The following TMEM132E variants were observed in gnomAD, a reference collection of about 807,000 sequenced individuals.
TMEM132E encodes the protein transmembrane protein 132E.
Under a neutral mutation model 78.5 loss-of-function variants are expected in TMEM132E, and 49 were observed. The observed-to-expected ratio is 0.62, with a 90% CI of 0.50 to 0.79. The LOEUF (loss-of-function observed/expected upper bound fraction) is 0.79. TMEM132E is among the 30% of genes least tolerant of loss of function. The pLI, the probability that TMEM132E is intolerant of heterozygous loss-of-function variation, is 0.00. For missense variants in TMEM132E, 1,403 were observed against 1,470.9 expected, an observed-to-expected ratio of 0.95 and a Z score of 0.75; for synonymous variants, 715 against 670.6, an observed-to-expected ratio of 1.07 and a Z score of -1.02.
intron 1 of TMEM132E, among the ~76,000 whole-genome samples, chr17:34,614,973 C>T (rs965203863): frequency 6.6e-6 from 1 of 152,190 alleles, no homozygotes; most frequent in Non-Finnish European, 1.5e-5. Context: ...GACCAGGGAA[C>T]CTTTCCTTGG....
At chr17:34,627,136 G>T in intron 2 of TMEM132E, 79 bp downstream of exon 2, 1 of 1,277,080 alleles carries the variant, frequency 7.8e-7, no homozygotes, top group Non-Finnish European at 1.1e-6. Context: ...GTGGGTTGGG[G>T]GGTGGGGGGA....
rs560967916 is a variant in TMEM132E at position 34,599,583 on chromosome 17, CTT to C, written c.67+18443_67+18444del. Among the ~76,000 whole-genome samples the C allele has an allele frequency of 1.8e-3, 271 of 152,308 alleles. 1 individual carries two copies. Among genetic ancestry groups the C allele is most frequent in the African/African-American group, 5.8e-3 (241 of 41,564 alleles). On this transcript the variant is annotated intron_variant, in intron 1 of 8. Transcript: ENST00000631683. The stretch of plus-strand genomic sequence containing the variant: ...GATTCAGATGCAGGGAAAGGCAACA[CTT>C]TTGTGAAAACTAGAACTCAGGCAGT...
rs568115696 is a variant in TMEM132E, at chr17:34,638,532, C to G, written c.*300C>G. On this transcript the variant is annotated 3_prime_UTR_variant, in exon 9 of 9. Transcript: ENST00000631683. ...CAAACCTCCTCCCATCTTAAGCAACCCCCTGCCCCAAGAGTGAGGCAAGGA... is the reference window on the plus strand; with the variant it reads ...CAAACCTCCTCCCATCTTAAGCAACGCCCTGCCCCAAGAGTGAGGCAAGGA... 8 of 324,446 alleles carry G rather than the reference C, an allele frequency of 2.5e-5. No individual in the cohort carries two copies. The highest frequency in any genetic ancestry group is 9.1e-5 in the Admixed American group (2 of 21,994). 20.1% of individuals were successfully genotyped at this position (324,446 alleles called of 1,614,324 possible).
intron 5 of TMEM132E, among the ~76,000 whole-genome samples, chr17:34,630,807 G>A (rs949704256): frequency 6.6e-6 from 1 of 152,094 alleles, no homozygotes; most frequent in African/African-American, 2.4e-5. Flanking sequence ...CTCCTTCCCA[G>A]GGACCTGCTT....
chr17:34,637,526 G>A lies in TMEM132E; in HGVS notation c.2519G>A (p.Arg840Gln), dbSNP rs769670193. Residue 840 changes from arginine (R) to glutamine (Q), a missense_variant, in exon 9 of 9, where the codon CGG becomes CAG. Transcript: ENST00000631683. The stretch of plus-strand genomic sequence containing the variant: ...CCCGGCGGGGGCGAGGACGAGGCCC[G>A]GGGAGCTGGCCCGCCGGGCTCTGCG... ...PGPGGGEDEA[R>Q]GAGPPGSALP... 3 of 1,600,328 alleles carry A rather than the reference G, an allele frequency of 1.9e-6. No homozygotes were observed. Among genetic ancestry groups the A allele is most frequent in the East Asian group, 4.5e-5 (2 of 44,608 alleles).
At chr17:34,636,275 C>A (rs868584468) in intron 8 of TMEM132E, 77 bp downstream of exon 8, 1 of 1,301,986 alleles carries the variant, frequency 7.7e-7, no homozygotes, top group Middle Eastern at 2.0e-4. Flanking sequence ...TTTGCCCTAG[C>A]ACCAAGAGTC....
intron 1 of TMEM132E, among the ~76,000 whole-genome samples, chr17:34,596,420 G>C (rs777297111): frequency 1.1e-4 from 16 of 152,116 alleles, no homozygotes; most frequent in Non-Finnish European, 2.2e-4. Flanking sequence ...AGGAGACGGT[G>C]TCCTCTACTC....
intron 2 of TMEM132E, 114 bp from the exon 3 acceptor site, chr17:34,628,448 TA>T (rs1907230513): frequency 1.6e-6 from 2 of 1,223,532 alleles, no homozygotes; most frequent in African/African-American, 3.2e-5. Flanking sequence ...GGACTCGGGG[TA>T]ACTTAGCTTA....
intron 1 of TMEM132E, among the ~76,000 whole-genome samples, chr17:34,604,784 T>G (rs1217896916): frequency 1.3e-5 from 2 of 152,260 alleles, no homozygotes; most frequent in African/African-American, 4.8e-5. Flanking sequence ...GAATGATTTA[T>G]TATTAATAGC....
intron 1 of TMEM132E, among the ~76,000 whole-genome samples, chr17:34,592,538 C>G (rs11080285): frequency 0.47 from 71,432 of 152,104 alleles, 17,243 homozygotes; most frequent in Admixed American, 0.56. Flanking sequence ...GGCTTGAACC[C>G]TGAAGATCCT....
chr17:34,602,420 A>G (rs1324421254), intron 1 of TMEM132E, among the ~76,000 whole-genome samples: 1 of 152,226 alleles, frequency 6.6e-6, no homozygotes, highest in Non-Finnish European at 1.5e-5. Context: ...GGAGCTGAAG[A>G]GGAAGGCTGC....
At chr17:34,619,727 C>G (rs1400989277) in intron 1 of TMEM132E, among the ~76,000 whole-genome samples, 2 of 152,244 alleles carry the variant, frequency 1.3e-5, no homozygotes, top group East Asian at 1.9e-4. Context: ...CCAGGCCTGT[C>G]CCCTGGAAAT....
Position 34,638,297 on chromosome 17 carries a change from C to T in TMEM132E, c.*65C>T, listed in dbSNP as rs1407095194. On this transcript the variant is annotated 3_prime_UTR_variant, in exon 9 of 9. Coordinates refer to ENST00000631683, the MANE Select transcript of TMEM132E (RefSeq NM_001304438.2). ...GGGTCAGCTCGGGGTAGGACACAGC[C>T]GGGACCCCGGTTCACACTGACTCTG... The T allele has an allele frequency of 7.0e-6, 10 of 1,418,746 alleles. No individual in the cohort carries two copies. Among genetic ancestry groups the T allele is most frequent in the South Asian group, 5.9e-5 (4 of 67,856 alleles). 87.9% of individuals were successfully genotyped at this position (1,418,746 alleles called of 1,614,324 possible). A position where few individuals can be genotyped will look rare whatever the true frequency, so the allele number is the denominator to read the frequency against.
intron 1 of TMEM132E, among the ~76,000 whole-genome samples, chr17:34,582,879 G>A (rs1905543124): frequency 6.6e-6 from 1 of 152,124 alleles, no homozygotes; most frequent in Non-Finnish European, 1.5e-5. Flanking sequence ...CCCAACCATG[G>A]CGTCACCTCA....
At position 34,637,203 on chromosome 17, in the gene TMEM132E, C is replaced by T. The variant is rs760578583; in HGVS notation, c.2196C>T (p.Ser732=). ...AAGCCCTACTGAGCCTCTGGCTCTC[C>T]TACAGTGATGGCACCACAGCCCCAC... The part of the protein sequence containing the change: ...KQEALLSLWL[S]YSDGTTAPLS... Residue 732 remains serine (S), a synonymous_variant, in exon 9 of 9, where the codon TCC becomes TCT. Transcript: ENST00000631683. The T allele has an allele frequency of 1.9e-6, 3 of 1,609,500 alleles. No individual in the cohort carries two copies. In the African/African-American group the frequency reaches 4.0e-5, roughly 21 times the overall value.
intron 1 of TMEM132E, among the ~76,000 whole-genome samples, chr17:34,591,415 C>T (rs1166856562): frequency 6.6e-6 from 1 of 152,108 alleles, no homozygotes; most frequent in African/African-American, 2.4e-5. Flanking sequence ...AACAATCCTC[C>T]CACCTCCACA....
chr17:34,622,214 A>C (rs1391803499), intron 1 of TMEM132E, among the ~76,000 whole-genome samples: 2 of 152,138 alleles, frequency 1.3e-5, no homozygotes, highest in African/African-American at 4.8e-5. Context: ...CTCTAGCCAC[A>C]CCAGAACGCT....
At position 34,627,167 on chromosome 17, in the gene TMEM132E, C is replaced by T. The variant is rs1032188947; in HGVS notation, c.998+110C>T. On this transcript the variant is annotated intron_variant, in intron 2 of 8. Transcript: ENST00000631683. ...GGGGACCTCCCAGCTGTATCCCTGTCCAGCATCCTAATCCCGGATCTGTCA... is the reference window on the plus strand; with the variant it reads ...GGGGACCTCCCAGCTGTATCCCTGTTCAGCATCCTAATCCCGGATCTGTCA... The T allele has an allele frequency of 7.5e-5, 90 of 1,194,776 alleles. No homozygotes were observed. The African/African-American group carries it at 1.2e-3, about 15-fold the overall frequency. The allele number at this position is 1,194,776 out of a possible 1,614,324, so 74.0% of individuals were successfully genotyped here.
Position 34,626,680 on chromosome 17 carries a change from G to A in TMEM132E, c.621G>A (p.Ala207=), listed in dbSNP as rs1426874914. The A allele has an allele frequency of 1.4e-6, 2 of 1,397,976 alleles. No homozygotes were observed. Among genetic ancestry groups the A allele is most frequent in the African/African-American group, 1.5e-5 (1 of 67,646 alleles). 86.6% of individuals were successfully genotyped at this position (1,397,976 alleles called of 1,614,324 possible). ...LAWFGPPAPA[A]PPTARRKSPD... ...GGTTCGGGCCCCCAGCCCCCGCTGC[G>A]CCACCCACGGCCCGCCGCAAGTCCC... Residue 207 remains alanine (A), a synonymous_variant, in exon 2 of 9, where the codon GCG becomes GCA. Coordinates refer to ENST00000631683, the MANE Select transcript of TMEM132E (RefSeq NM_001304438.2).
Sources: gnomAD v4.1 joint callset for allele counts (sites outside exome capture counted in the v4.1 genomes callset) on GRCh38, gnomAD v4.1.1 for gene constraint, MANE v1.5 for transcripts, NCBI Gene and HGNC (gene_info 2026-07-23, HGNC 2026-07-21) for gene names.